MARCHF3: variants seen among roughly 807,000 people sequenced by gnomAD.
MARCHF3 encodes E3 ubiquitin-protein ligase MARCHF3.
In MARCHF3, 13 loss-of-function variants were observed where a neutral mutation model predicts 24.2. The ratio of observed to expected loss-of-function variants is 0.54; its 90% CI spans 0.35 to 0.85. The LOEUF (loss-of-function observed/expected upper bound fraction) is 0.85. Among genes scored for constraint, MARCHF3 ranks in the 40% least tolerant of loss-of-function variants. The pLI, the probability that MARCHF3 is intolerant of heterozygous loss-of-function variation, is 0.01. For missense variants in MARCHF3, 276 were observed against 325.0 expected (o/e 0.85, Z 1.16); for synonymous variants, 144 against 137.3 (o/e 1.05, Z -0.34).
intron 1 of MARCHF3, among the ~76,000 whole-genome samples, chr5:126,929,428 G>GC (rs1464297882): frequency 6.6e-6 from 1 of 152,186 alleles, no homozygotes; most frequent in Non-Finnish European, 1.5e-5. Context: ...TCTAATGATT[G>GC]CATCCACTGA....
At chr5:126,931,570 TAC>T (rs57567399) in intron 1 of MARCHF3, among the ~76,000 whole-genome samples, 41,610 of 142,560 alleles carry the variant, frequency 0.29, 6,290 homozygotes, top group East Asian at 0.55. Flanking sequence ...CATACATGAA[TAC>T]ACACACACAC....
At chr5:126,991,192 T>C (rs1464826256) in intron 1 of MARCHF3, among the ~76,000 whole-genome samples, 1 of 152,156 alleles carries the variant, frequency 6.6e-6, no homozygotes, top group African/African-American at 2.4e-5. Flanking sequence ...ATGTGGCACA[T>C]ATACACCATG....
At chr5:126,964,294 G>T (rs561628192) in intron 1 of MARCHF3, among the ~76,000 whole-genome samples, 2 of 152,180 alleles carry the variant, frequency 1.3e-5, no homozygotes, top group South Asian at 2.1e-4. Flanking sequence ...ATGTCACAAG[G>T]CTGGTTCATC....
intron 1 of MARCHF3, among the ~76,000 whole-genome samples, chr5:126,926,237 A>G (rs1749292882): frequency 6.6e-6 from 1 of 152,148 alleles, no homozygotes; most frequent in Non-Finnish European, 1.5e-5. Context: ...GTTCCTTGGA[A>G]CTTTCCTCTT....
At chr5:127,026,716 A>G (rs190003919) in intron 1 of MARCHF3, among the ~76,000 whole-genome samples, 52 of 152,276 alleles carry the variant, frequency 3.4e-4, no homozygotes, top group African/African-American at 1.1e-3. Context: ...AGATCTAAAT[A>G]TTATCCTTTT....
chr5:126,952,172 C>T (rs1330523286), intron 1 of MARCHF3, among the ~76,000 whole-genome samples: 1 of 152,016 alleles, frequency 6.6e-6, no homozygotes, highest in Non-Finnish European at 1.5e-5. Flanking sequence ...AGTTTTGGTA[C>T]AACTGTAATC....
At chr5:126,924,130 T>C (rs976885044) in intron 1 of MARCHF3, among the ~76,000 whole-genome samples, 8 of 152,148 alleles carry the variant, frequency 5.3e-5, no homozygotes, top group African/African-American at 1.7e-4. Context: ...CCACAATCAA[T>C]CATGCGCTTG....
chr5:126,913,878 G>T (rs1200938660), intron 3 of MARCHF3, among the ~76,000 whole-genome samples: 1 of 151,816 alleles, frequency 6.6e-6, no homozygotes, highest in East Asian at 1.9e-4. Flanking sequence ...AAATAAGGAG[G>T]TTAGGAGCAG....
At chr5:126,887,908 C>A (rs1317552296) in intron 3 of MARCHF3, among the ~76,000 whole-genome samples, 3 of 152,212 alleles carry the variant, frequency 2.0e-5, no homozygotes, top group African/African-American at 4.8e-5. Flanking sequence ...TCCTTCATAG[C>A]TTTTGCCACC....
chr5:126,872,279 C>T (rs1283844784), intron 4 of MARCHF3, among the ~76,000 whole-genome samples: 5 of 151,674 alleles, frequency 3.3e-5, no homozygotes, highest in Admixed American at 6.6e-5. Context: ...AGGCTGGTCT[C>T]GAACTCCCGA....
intron 1 of MARCHF3, among the ~76,000 whole-genome samples, chr5:127,004,967 A>G (rs371803111): frequency 1.3e-5 from 2 of 152,168 alleles, no homozygotes; most frequent in East Asian, 1.9e-4. Context: ...AGTTAAAAAA[A>G]AAAAAAGTTT....
At chr5:127,027,125 T>G (rs1041708233) in intron 1 of MARCHF3, among the ~76,000 whole-genome samples, 1 of 152,110 alleles carries the variant, frequency 6.6e-6, no homozygotes, top group Non-Finnish European at 1.5e-5. Context: ...TAATTGGCAA[T>G]AACTAATAAA....
At chr5:126,933,609 T>C (rs933162109) in intron 1 of MARCHF3, among the ~76,000 whole-genome samples, 1 of 152,096 alleles carries the variant, frequency 6.6e-6, no homozygotes, top group Non-Finnish European at 1.5e-5. Flanking sequence ...CACGCTCGGC[T>C]AATTTTTTGT....
intron 1 of MARCHF3, among the ~76,000 whole-genome samples, chr5:126,997,800 G>C (rs904768798): frequency 2.6e-5 from 4 of 152,102 alleles, no homozygotes; most frequent in African/African-American, 9.7e-5. Flanking sequence ...TGGTACACCT[G>C]GTCAACCTAG....
At chr5:126,946,541 T>C (rs1750016533) in intron 1 of MARCHF3, among the ~76,000 whole-genome samples, 1 of 152,238 alleles carries the variant, frequency 6.6e-6, no homozygotes, top group East Asian at 1.9e-4. Context: ...TGCTTTAACA[T>C]GACATTGTGG....
intron 1 of MARCHF3, among the ~76,000 whole-genome samples, chr5:126,934,243 A>G (rs1749566767): frequency 6.6e-6 from 1 of 152,162 alleles, no homozygotes; most frequent in Non-Finnish European, 1.5e-5. Context: ...TTGGCATATA[A>G]TGGGCACTTA....
intron 3 of MARCHF3, among the ~76,000 whole-genome samples, chr5:126,894,127 GT>G (rs1454766046): frequency 7.5e-6 from 1 of 134,042 alleles, no homozygotes; most frequent in Non-Finnish European, 1.6e-5. Context: ...GCCTTTTTTT[GT>G]TTTCCATTTG....
intron 1 of MARCHF3, among the ~76,000 whole-genome samples, chr5:126,940,156 T>A (rs1346592012): frequency 6.6e-6 from 1 of 152,164 alleles, no homozygotes; most frequent in Non-Finnish European, 1.5e-5. Flanking sequence ...GTAGGGTGAC[T>A]CGAATTTTTC....
chr5:126,992,147 C>A (rs1038561367), intron 1 of MARCHF3, among the ~76,000 whole-genome samples: 1 of 152,138 alleles, frequency 6.6e-6, no homozygotes, highest in Non-Finnish European at 1.5e-5. Context: ...CTTCTCTTTG[C>A]GCTCACATTC....
Sources: gnomAD v4.1 joint callset for allele counts (sites outside exome capture counted in the v4.1 genomes callset) on GRCh38, gnomAD v4.1.1 for gene constraint, MANE v1.5 for transcripts, NCBI Gene and HGNC (gene_info 2026-07-23, HGNC 2026-07-21) for gene names.